IL1RAPL1: variants seen among roughly 807,000 people sequenced by gnomAD.
IL1RAPL1 encodes interleukin 1 receptor accessory protein like 1.
Under a neutral mutation model 48.4 loss-of-function variants are expected in IL1RAPL1, and 3 were observed. The ratio of observed to expected loss-of-function variants is 0.06; its 90% CI spans 0.03 to 0.16. The LOEUF is 0.16. IL1RAPL1 is among the 10% of genes least tolerant of loss of function. IL1RAPL1 has a pLI of 1.00. For synonymous variants in IL1RAPL1, 185 were observed against 187.7 expected (o/e 0.99, Z 0.12); for missense variants, 349 against 530.6 (o/e 0.66, Z 3.36).
At chrX:29,037,454 A>G (rs1926753456) in intron 2 of IL1RAPL1, among the ~76,000 whole-genome samples, 1 of 111,241 alleles carries the variant, frequency 9.0e-6, no homozygotes, top group African/African-American at 3.3e-5. Flanking sequence ...TGTGAGTTTC[A>G]CCATACTAAA....
intron 1 of IL1RAPL1, among the ~76,000 whole-genome samples, chrX:28,760,017 C>T (rs5943541): frequency 0.48 from 53,542 of 110,862 alleles, 9,590 homozygotes; most frequent in Middle Eastern, 0.7. Context: ...ACTTTTAGGA[C>T]TCAAATTGAT....
intron 2 of IL1RAPL1, among the ~76,000 whole-genome samples, chrX:29,266,426 G>C (rs375818077): frequency 8.9e-6 from 1 of 111,765 alleles, no homozygotes; most frequent in South Asian, 3.7e-4. Flanking sequence ...CTGACAGGTT[G>C]AGGTAATGCA....
intron 2 of IL1RAPL1, among the ~76,000 whole-genome samples, chrX:29,125,624 C>T (rs1483109019): frequency 9.0e-6 from 1 of 111,334 alleles, no homozygotes; most frequent in East Asian, 2.8e-4. Flanking sequence ...ATTCACTAGT[C>T]CCTTTTTCAC....
At chrX:29,246,637 T>C (rs945075572) in intron 2 of IL1RAPL1, among the ~76,000 whole-genome samples, 3 of 112,108 alleles carry the variant, frequency 2.7e-5, no homozygotes, top group Admixed American at 9.5e-5. Context: ...GAGAATACTT[T>C]TGCTTTCAAG....
rs187082712 is a variant in IL1RAPL1 at position 28,782,180 on chromosome X, G to A, written c.-24-7140G>A. On this transcript the variant is annotated intron_variant, in intron 1 of 10. Transcript: ENST00000378993. The stretch of plus-strand genomic sequence containing the variant: ...TGTAAGCATTCTTTATATTATATGG[G>A]CACTAGCCTATTGATGTGTATGTTG... Among the ~76,000 whole-genome samples, 704 of 110,708 alleles carry A rather than the reference G, an allele frequency of 6.4e-3. 9 individuals carry two copies. The highest frequency in any genetic ancestry group is 0.022 in the African/African-American group (683 of 30,650).
At chrX:29,699,264 G>T (rs1237233382) in intron 6 of IL1RAPL1, among the ~76,000 whole-genome samples, 2 of 112,113 alleles carry the variant, frequency 1.8e-5, no homozygotes, top group African/African-American at 6.5e-5. Flanking sequence ...TTAGTAGTTT[G>T]TTTGTTTTTG....
chrX:29,825,357 G>T (rs1930712875), intron 6 of IL1RAPL1, among the ~76,000 whole-genome samples: 1 of 111,115 alleles, frequency 9.0e-6, no homozygotes, highest in Non-Finnish European at 1.9e-5. Flanking sequence ...ACTTCAATAT[G>T]AATCTTTATG....
chrX:29,171,541 CTA>C (rs1369860024), intron 2 of IL1RAPL1, among the ~76,000 whole-genome samples: 2 of 111,397 alleles, frequency 1.8e-5, no homozygotes, highest in Non-Finnish European at 3.8e-5. Flanking sequence ...TCTATTGTCT[CTA>C]TGTGAGTATG....
At chrX:29,719,522 G>GT (rs1158874357) in intron 6 of IL1RAPL1, among the ~76,000 whole-genome samples, 3 of 110,393 alleles carry the variant, frequency 2.7e-5, no homozygotes, top group African/African-American at 9.9e-5. Flanking sequence ...GAGTTGTGGG[G>GT]TTTTTTAAAT....
chrX:29,528,191 T>C (rs1035080269), intron 5 of IL1RAPL1, among the ~76,000 whole-genome samples: 5 of 112,549 alleles, frequency 4.4e-5, no homozygotes, highest in Admixed American at 3.8e-4. Flanking sequence ...TGCAAATATA[T>C]GTACATATAA....
intron 2 of IL1RAPL1, among the ~76,000 whole-genome samples, chrX:28,849,989 A>G (rs894854314): frequency 1.8e-5 from 2 of 111,944 alleles, no homozygotes; most frequent in Non-Finnish European, 3.8e-5. Flanking sequence ...TACTGTCTGC[A>G]AGTGAGGAAT....
chrX:29,572,503 G>T (rs769327957), intron 5 of IL1RAPL1, among the ~76,000 whole-genome samples: 3 of 112,184 alleles, frequency 2.7e-5, no homozygotes, highest in Non-Finnish European at 3.8e-5. Flanking sequence ...ATTTTTTAAT[G>T]AAAATTTGTT....
At chrX:29,657,824 G>GTTT (rs199945372) in intron 5 of IL1RAPL1, among the ~76,000 whole-genome samples, 1 of 75,586 alleles carries the variant, frequency 1.3e-5, no homozygotes, top group Non-Finnish European at 2.6e-5. Flanking sequence ...ATTAGTGACT[G>GTTT]TTTTTTTTTT....
chrX:29,230,316 A>C (rs1931166069), intron 2 of IL1RAPL1, among the ~76,000 whole-genome samples: 1 of 108,828 alleles, frequency 9.2e-6, no homozygotes, highest in Admixed American at 9.9e-5. Flanking sequence ...TAGGAGCTTT[A>C]GGGCATACTG....
At chrX:29,089,281 GT>G (rs1928026722) in intron 2 of IL1RAPL1, among the ~76,000 whole-genome samples, 1 of 111,017 alleles carries the variant, frequency 9.0e-6, no homozygotes, top group Non-Finnish European at 1.9e-5. Flanking sequence ...TACATTTATG[GT>G]GCACTACATG....
intron 1 of IL1RAPL1, among the ~76,000 whole-genome samples, chrX:28,770,951 T>A: frequency 8.9e-6 from 1 of 112,195 alleles, no homozygotes; most frequent in Non-Finnish European, 1.9e-5. Flanking sequence ...GTGTTAGTAT[T>A]CCACACATGG....
At chrX:29,636,251 TTA>T (rs1481818289) in intron 5 of IL1RAPL1, among the ~76,000 whole-genome samples, 1 of 112,110 alleles carries the variant, frequency 8.9e-6, no homozygotes, top group African/African-American at 3.2e-5. Context: ...AGTTATAGTA[TTA>T]TAATTCACGG....
chrX:28,932,914 T>C (rs1247391599), intron 2 of IL1RAPL1, among the ~76,000 whole-genome samples: 2 of 111,370 alleles, frequency 1.8e-5, no homozygotes, highest in Non-Finnish European at 1.9e-5. Context: ...ATTTTAAAGC[T>C]AATACTGCCA....
chrX:29,424,111 G>A (rs1314586535), intron 5 of IL1RAPL1, among the ~76,000 whole-genome samples: 2 of 111,370 alleles, frequency 1.8e-5, no homozygotes, highest in East Asian at 5.6e-4. Context: ...ATCATGAAAA[G>A]TTTCCTGCCC....
Sources: allele counts gnomAD v4.1 joint callset (sites outside exome capture counted in the v4.1 genomes callset), GRCh38; gene constraint gnomAD v4.1.1; transcripts MANE v1.5; gene names NCBI Gene and HGNC (gene_info 2026-07-23, HGNC 2026-07-21).